Variants in PLCL1 observed in about 807,000 individuals in gnomAD.
The protein encoded by PLCL1 is phospholipase C like 1 (inactive).
PLCL1 carries 41 observed loss-of-function variants against 84.4 expected under a neutral mutation model. The observed-to-expected ratio is 0.49, with a 90% CI of 0.38 to 0.63. The LOEUF (loss-of-function observed/expected upper bound fraction) is 0.63, where lower values mean the gene tolerates loss of function less well. Ranked by LOEUF, PLCL1 falls within the 30% of genes least tolerant of loss-of-function variation. The probability of loss-of-function intolerance (pLI) is 0.00; values close to 1 mark genes in which losing one functional copy is unlikely to be tolerated. For missense variants in PLCL1, 1,206 were observed against 1,367.8 expected (o/e 0.88, Z 1.87); for synonymous variants, 490 against 488.3 (o/e 1.00, Z -0.05).
Position 198,076,981 on chromosome 2 carries a change from G to A in PLCL1, c.241-6777G>A, listed in dbSNP as rs550043769. On this transcript the variant is annotated intron_variant, in intron 1 of 5. Transcript: ENST00000428675. ...GGCCCATTGGAAAGGCAAAATGTAT[G>A]CATCAGAACTGAATTCCATTCTGTG... Among the ~76,000 whole-genome samples, 3 of 152,296 alleles carry A rather than the reference G, an allele frequency of 2.0e-5. No individual in the cohort carries two copies. The South Asian group carries it at 6.2e-4, about 32-fold the overall frequency.
chr2:198,064,001 T>A (rs1692267039), intron 1 of PLCL1, among the ~76,000 whole-genome samples: 1 of 152,198 alleles, frequency 6.6e-6, no homozygotes, highest in Non-Finnish European at 1.5e-5. Context: ...GAATGTTCAA[T>A]AAGCTAGTAA....
chr2:197,968,148 T>C (rs1450661767), intron 1 of PLCL1, among the ~76,000 whole-genome samples: 2 of 152,236 alleles, frequency 1.3e-5, no homozygotes, highest in Non-Finnish European at 2.9e-5. Context: ...TGCTTTAGAA[T>C]TTCAAGGTTC....
At chr2:197,841,703 A>G (rs888297495) in intron 1 of PLCL1, among the ~76,000 whole-genome samples, 1 of 152,232 alleles carries the variant, frequency 6.6e-6, no homozygotes, top group African/African-American at 2.4e-5. Flanking sequence ...GTGTGAATGT[A>G]GTTTTTAACT....
intron 1 of PLCL1, among the ~76,000 whole-genome samples, chr2:198,044,292 A>G (rs1335456210): frequency 6.6e-6 from 1 of 152,184 alleles, no homozygotes; most frequent in African/African-American, 2.4e-5. Flanking sequence ...GAAACCTGCC[A>G]TCCATTCACA....
chr2:197,960,060 T>G (rs578045386), intron 1 of PLCL1, among the ~76,000 whole-genome samples: 1 of 152,110 alleles, frequency 6.6e-6, no homozygotes, highest in African/African-American at 2.4e-5. Flanking sequence ...AGCTATCTCT[T>G]CATTGTGAGT....
intron 1 of PLCL1, among the ~76,000 whole-genome samples, chr2:197,826,845 T>C (rs1262233344): frequency 6.6e-6 from 1 of 152,158 alleles, no homozygotes; most frequent in Non-Finnish European, 1.5e-5. Flanking sequence ...CCTGGATATC[T>C]GTTTGCTGGA....
intron 1 of PLCL1, among the ~76,000 whole-genome samples, chr2:197,901,238 G>A (rs971736072): frequency 6.6e-6 from 1 of 152,184 alleles, no homozygotes; most frequent in Non-Finnish European, 1.5e-5. Flanking sequence ...ACTCAGTACA[G>A]GTTGAGTGCT....
At chr2:197,815,228 A>T (rs1022697150) in intron 1 of PLCL1, among the ~76,000 whole-genome samples, 1 of 152,276 alleles carries the variant, frequency 6.6e-6, no homozygotes, top group African/African-American at 2.4e-5. Context: ...GCCAATGCTC[A>T]ATTACCATTC....
chr2:198,124,556 A>T (rs1693943577), intron 5 of PLCL1, among the ~76,000 whole-genome samples: 1 of 152,074 alleles, frequency 6.6e-6, no homozygotes, highest in Admixed American at 6.6e-5. Context: ...GTCCTGGGAA[A>T]TTGGGACCTA....
Position 198,101,274 on chromosome 2 carries a change from T to C in PLCL1, c.2920-11T>C. ...CTGACAACCACCTTTTTGATGTTTA[T>C]TTTGTAACAGATGATTCAAGAGAGC... is the stretch of plus-strand genomic sequence containing the variant. On this transcript the variant is annotated splice_polypyrimidine_tract_variant and intron_variant, in intron 3 of 5. Transcript: ENST00000428675. 2 of 1,561,584 alleles carry C rather than the reference T, an allele frequency of 1.3e-6. No individual in the cohort carries two copies. The highest frequency in any genetic ancestry group is 1.8e-6 in the Non-Finnish European group (2 of 1,137,360).
intron 1 of PLCL1, among the ~76,000 whole-genome samples, chr2:197,877,536 G>A (rs1014087204): frequency 6.6e-6 from 1 of 152,022 alleles, no homozygotes; most frequent in Non-Finnish European, 1.5e-5. Context: ...TGATGGAAAG[G>A]AAAAAGCACT....
At chr2:197,878,629 CTGTGTGTGTGTGCA>C (rs1317427073) in intron 1 of PLCL1, among the ~76,000 whole-genome samples, 1 of 151,906 alleles carries the variant, frequency 6.6e-6, no homozygotes, top group Non-Finnish European at 1.5e-5. Flanking sequence ...CTGTGGAAAA[CTGTGTGTGTGTGCA>C]TGTGTGTGTG....
intron 1 of PLCL1, among the ~76,000 whole-genome samples, chr2:197,812,443 C>A (rs1690606318): frequency 6.6e-6 from 1 of 152,192 alleles, no homozygotes; most frequent in Non-Finnish European, 1.5e-5. Context: ...ATTTTCTCCA[C>A]AACTTCACCA....
chr2:197,820,124 A>C (rs142790416), intron 1 of PLCL1, among the ~76,000 whole-genome samples: 192 of 152,198 alleles, frequency 1.3e-3, no homozygotes, highest in Non-Finnish European at 2.3e-3. Flanking sequence ...TTAGGTGCAT[A>C]TATGTTATTT....
chr2:198,028,099 C>T (rs1166961911), intron 1 of PLCL1, among the ~76,000 whole-genome samples: 3 of 152,120 alleles, frequency 2.0e-5, no homozygotes, highest in Non-Finnish European at 4.4e-5. Flanking sequence ...TCTCAGCCTC[C>T]CAAAGTGTTG....
At chr2:197,837,080 GA>G (rs2105663938) in intron 1 of PLCL1, among the ~76,000 whole-genome samples, 2 of 152,202 alleles carry the variant, frequency 1.3e-5, no homozygotes, top group South Asian at 4.1e-4. Context: ...TTTCTTCCCT[GA>G]AAGAATTTAG....
At chr2:197,913,397 T>C (rs1688529101) in intron 1 of PLCL1, among the ~76,000 whole-genome samples, 1 of 152,176 alleles carries the variant, frequency 6.6e-6, no homozygotes, top group Admixed American at 6.5e-5. Context: ...AGTAAAATAA[T>C]AGCAGCAGCA....
intron 1 of PLCL1, among the ~76,000 whole-genome samples, chr2:197,920,276 T>G (rs1688678495): frequency 6.6e-6 from 1 of 151,854 alleles, no homozygotes; most frequent in Non-Finnish European, 1.5e-5. Flanking sequence ...TTGGAAGACT[T>G]GTGTGTATCA....
intron 1 of PLCL1, among the ~76,000 whole-genome samples, chr2:197,939,606 AAC>A (rs1689117122): frequency 6.6e-6 from 1 of 152,104 alleles, no homozygotes; most frequent in South Asian, 2.1e-4. Context: ...TTATAAGAAC[AAC>A]AGTCTTATTA....
Sources: gnomAD v4.1 joint callset for allele counts (sites outside exome capture counted in the v4.1 genomes callset) on GRCh38, gnomAD v4.1.1 for gene constraint, MANE v1.5 for transcripts, NCBI Gene and HGNC (gene_info 2026-07-23, HGNC 2026-07-21) for gene names.